The following ZNF628 variants were observed in gnomAD, a reference collection of about 807,000 sequenced individuals.
ZNF628 encodes zinc finger protein Zec.
In ZNF628, 3 loss-of-function variants were observed where a neutral mutation model predicts 2.5. The ratio of observed to expected loss-of-function variants is 1.19; its 90% CI spans 0.54 to 3.07. ZNF628 has a LOEUF of 3.07. ZNF628 is among the 30% of genes most tolerant of loss of function. The pLI is 0.03. For missense variants in ZNF628, 1,610 were observed against 1,517.1 expected (o/e 1.06, Z -1.02); for synonymous variants, 861 against 717.1 (o/e 1.20, Z -3.21).
rs758434074 is a variant in ZNF628, at chr19:55,483,074, C to T, written c.1881C>T (p.Cys627=). The change falls in exon 3 of 3, where the codon TGC becomes TGT. Residue 627 remains cysteine, a synonymous_variant. Transcript: ENST00000598519. ...SAERPFTCPI[C]GRGFVMAAYL... is the part of the protein sequence containing the mutation. ...AGCGCCCCTTCACCTGCCCCATCTG[C>T]GGTCGCGGCTTCGTTATGGCCGCCT... is the stretch of plus-strand genomic sequence containing the variant. 3.4e-5 allele frequency: 54 copies of T among 1,609,676 alleles called. No individual in the cohort carries two copies. In the South Asian group the frequency reaches 4.4e-4, roughly 13 times the overall value.
Position 55,484,420 on chromosome 19 carries a change from A to C in ZNF628, c.*47A>C, listed in dbSNP as rs554922809. The C allele has an allele frequency of 7.1e-7, 1 of 1,400,522 alleles. No homozygotes were observed. Among genetic ancestry groups the C allele is most frequent in the African/African-American group, 1.5e-5 (1 of 68,566 alleles). The allele number at this position is 1,400,522 out of a possible 1,614,324, so 86.8% of individuals were successfully genotyped here. A position where few individuals can be genotyped will look rare whatever the true frequency, so the allele number is the denominator to read the frequency against. On this transcript the variant is annotated 3_prime_UTR_variant, in exon 3 of 3. Coordinates refer to ENST00000598519, the MANE Select transcript of ZNF628 (RefSeq NM_033113.3). The stretch of plus-strand genomic sequence containing the variant: ...CCGCCCCGCACAGAGACCCCGACTC[A>C]CTGCCAGCCGGGGCGGGGCAGGGTG...
Position 55,483,387 on chromosome 19 carries a change from A to C in ZNF628, c.2194A>C (p.Thr732Pro), listed in dbSNP as rs375185481. The C allele has an allele frequency of 1.3e-4, 197 of 1,539,950 alleles. No homozygotes were observed. Among genetic ancestry groups the C allele is most frequent in the Non-Finnish European group, 1.6e-4 (187 of 1,144,946 alleles). ...GATCCCCAGCAGCGTGCAGCCCCCT[A>C]CACCTCCGCCCCCTCCCGCACCTCC... ...QLIPSSVQPP[T>P]PPPPPAPPKL... is the part of the protein sequence containing the mutation. Residue 732 changes from threonine (T) to proline (P), a missense_variant, in exon 3 of 3, where the codon ACA (threonine) becomes CCA (proline). By Grantham distance (38) the Thr-to-Pro change is conservative (BLOSUM62 -1). This residue lies in a region of ZNF628 where 712 missense variants were observed against 603.6 expected (regional missense o/e 1.18). Transcript: ENST00000598519.
Position 55,482,603 on chromosome 19 carries a change from C to G in ZNF628, c.1410C>G (p.Arg470=). Residue 470 remains arginine (R), a synonymous_variant, in exon 3 of 3, where the codon CGC becomes CGG. Coordinates refer to ENST00000598519, the MANE Select transcript of ZNF628 (RefSeq NM_033113.3). The part of the protein sequence containing the change: ...GKSFKGSSGL[R]YHLRDHTGER... ...CCTTCAAGGGCTCCTCCGGGCTGCGCTACCACCTGCGGGACCACACGGGCG... is the reference window on the plus strand; with the variant it reads ...CCTTCAAGGGCTCCTCCGGGCTGCGGTACCACCTGCGGGACCACACGGGCG... 1 of 1,605,700 alleles carries G rather than the reference C, an allele frequency of 6.2e-7. No homozygotes were observed. The highest frequency in any genetic ancestry group is 8.5e-7 in the Non-Finnish European group (1 of 1,177,506).
chr19:55,478,719 T>G (rs1986623851), intron 1 of ZNF628, among the ~76,000 whole-genome samples: 1 of 152,116 alleles, frequency 6.6e-6, no homozygotes, highest in South Asian at 2.1e-4. Context: ...CAGTGGTGCC[T>G]CAGATCAAGG....
rs1458560651 is a variant in ZNF628, at chr19:55,482,127, G to C, written c.934G>C (p.Glu312Gln). ...ATTCAGCAGCGAGGAGCTGCTCCTG[G>C]AGCACCAGCCGTGCCCCGGGCCCGA... The part of the protein sequence containing the change: ...QGFSSEELLL[E>Q]HQPCPGPDAA... The change falls in exon 3 of 3, where the codon GAG becomes CAG. Residue 312 changes from glutamate to glutamine, a missense_variant. Physicochemically the swap from Glu to Gln is conservative, Grantham distance 29 (BLOSUM62 2). This residue lies in a region of ZNF628 where 651 missense variants were observed against 575.6 expected (regional missense o/e 1.13). Coordinates refer to ENST00000598519, the MANE Select transcript of ZNF628 (RefSeq NM_033113.3). The C allele has an allele frequency of 2.0e-6, 3 of 1,507,086 alleles. No homozygotes were observed. Among genetic ancestry groups the C allele is most frequent in the African/African-American group, 1.4e-5 (1 of 69,206 alleles). 93.4% of individuals were successfully genotyped at this position (1,507,086 alleles called of 1,614,324 possible).
chr19:55,477,043 T>C (rs1339118295), intron 1 of ZNF628, among the ~76,000 whole-genome samples: 1 of 152,198 alleles, frequency 6.6e-6, no homozygotes, highest in African/African-American at 2.4e-5. Context: ...TAAAACAATG[T>C]TTTTCCCCTA....
At chr19:55,480,709 C>T (rs1198115977) in intron 2 of ZNF628, among the ~76,000 whole-genome samples, 4 of 152,258 alleles carry the variant, frequency 2.6e-5, no homozygotes, top group Admixed American at 1.3e-4. Context: ...GCGTGAGCCA[C>T]AGTGCCTGGC....
In ZNF628 at chr19:55,479,962, C is replaced by T; in HGVS notation, c.7+45C>T. 1 of 398,992 alleles carries T rather than the reference C, an allele frequency of 2.5e-6. No homozygotes were observed. The highest frequency in any genetic ancestry group is 2.1e-5 in the African/African-American group (1 of 48,656). 24.7% of individuals were successfully genotyped at this position (398,992 alleles called of 1,614,324 possible). A position where few individuals can be genotyped will look rare whatever the true frequency, so the allele number is the denominator to read the frequency against. On this transcript the variant is annotated intron_variant, in intron 2 of 2. Coordinates refer to ENST00000598519, the MANE Select transcript of ZNF628 (RefSeq NM_033113.3). This position sits in a 1 kb window ranked among gnomAD's most constrained non-coding sequence, Gnocchi z 5.1. ...ATGGGCCAGAGACATGTAGTGTGAG[C>T]CAGGGAGGGTGATGGTGAGGGGGCC...
intron 1 of ZNF628, among the ~76,000 whole-genome samples, chr19:55,478,213 G>A (rs73057168): frequency 0.034 from 5,138 of 152,330 alleles, 141 homozygotes; most frequent in Non-Finnish European, 0.05. Context: ...GCACTGCTGA[G>A]GCTGAGAATC....
Position 55,482,004 on chromosome 19 carries a change from C to T in ZNF628, c.811C>T (p.Pro271Ser), listed in dbSNP as rs1341334821. The T allele has an allele frequency of 6.1e-6, 9 of 1,469,170 alleles. No individual in the cohort carries two copies. The highest frequency in any genetic ancestry group is 2.3e-5 in the Admixed American group (1 of 43,600). The allele number at this position is 1,469,170 out of a possible 1,614,324, so 91.0% of individuals were successfully genotyped here. A position where few individuals can be genotyped will look rare whatever the true frequency, so the allele number is the denominator to read the frequency against. Residue 271 changes from proline to serine, a missense_variant, in exon 3 of 3, where the codon CCG (proline) becomes TCG (serine). Around this residue, in one of 5 missense-constraint regions of ZNF628, gnomAD observed 651 missense variants for 575.6 expected, o/e 1.13. Transcript: ENST00000598519. ...CCACAGCCCGCCCGCGCCTCCCGCC[C>T]CGCCGCCCCCGCCCCCGCCCGTGGT... ...QPHSPPAPPA[P>S]PPPPPPVVPE... is the part of the protein sequence containing the mutation.
Position 55,481,217 on chromosome 19 carries a change from C to A in ZNF628, c.24C>A (p.Ser8=). The A allele has an allele frequency of 6.4e-7, 1 of 1,556,234 alleles. No individual in the cohort carries two copies. Among genetic ancestry groups the A allele is most frequent in the Non-Finnish European group, 8.7e-7 (1 of 1,153,964 alleles). ...CTCCCCCAGGTGTGATGGTCGGCTC[C>A]CACGCGGACATGGCGCCGGCCTCTA... MSGVMVG[S]HADMAPASTA... Residue 8 remains serine (S), a synonymous_variant, in exon 3 of 3, where the codon TCC becomes TCA. Coordinates refer to ENST00000598519, the MANE Select transcript of ZNF628 (RefSeq NM_033113.3).
intron 1 of ZNF628, 78 bp downstream of exon 1, chr19:55,476,885 G>T (rs926604872): frequency 6.9e-6 from 1 of 145,614 alleles, no homozygotes; most frequent in African/African-American, 2.5e-5. Flanking sequence ...CGGGGGGGGG[G>T]GCGTGAAACC....
chr19:55,483,127 C>T lies in ZNF628; in HGVS notation c.1934C>T (p.Ala645Val), dbSNP rs759417772. The change falls in exon 3 of 3, where the codon GCC (alanine) becomes GTC (valine). Residue 645 changes from alanine (A) to valine (V), a missense_variant. Around this residue, in one of 5 missense-constraint regions of ZNF628, gnomAD observed 712 missense variants for 603.6 expected, o/e 1.18. Coordinates refer to ENST00000598519, the MANE Select transcript of ZNF628 (RefSeq NM_033113.3). ...AYLQRHLRTH[A>V]PANTPPSTTA... Reference sequence around the variant, plus strand: ...CTGCAGCGGCACCTGAGGACGCACGCCCCGGCCAACACGCCTCCCAGCACC... The same window carrying T: ...CTGCAGCGGCACCTGAGGACGCACGTCCCGGCCAACACGCCTCCCAGCACC... 6.3e-7 allele frequency: 1 copy of T among 1,591,426 alleles called. No individual in the cohort carries two copies. The highest frequency in any genetic ancestry group is 8.5e-7 in the Non-Finnish European group (1 of 1,174,404).
chr19:55,481,415 AG>A lies in ZNF628; in HGVS notation c.224del (p.Gly75AlafsTer65). 6.3e-7 allele frequency: 1 copy of A among 1,597,034 alleles called. No homozygotes were observed. Among genetic ancestry groups the A allele is most frequent in the Non-Finnish European group, 8.5e-7 (1 of 1,174,180 alleles). On this transcript the variant is annotated frameshift_variant, in exon 3 of 3. Transcript: ENST00000598519. LOFTEE classifies it low-confidence loss of function (END_TRUNC). ...KCPDCPKAFK[G>X]SSALLYHQRG... ...GCCCAGACTGCCCCAAGGCTTTCAA[AG>A]GCTCCTCGGCCCTGCTCTACCACCA...
rs1329349097 is a variant in ZNF628 at position 55,481,576 on chromosome 19, C to T, written c.383C>T (p.Ala128Val). 1.2e-6 allele frequency: 2 copies of T among 1,613,156 alleles called. No individual in the cohort carries two copies. Among genetic ancestry groups the T allele is most frequent in the African/African-American group, 1.3e-5 (1 of 74,806 alleles). The change falls in exon 3 of 3, where the codon GCC becomes GTC. Residue 128 changes from alanine (A) to valine (V), a missense_variant. Physicochemically the swap from Ala to Val is moderately conservative, Grantham distance 64 (BLOSUM62 0). This residue lies in a region of ZNF628 where 166 missense variants were observed against 241.3 expected (regional missense o/e 0.69). Transcript: ENST00000598519. ...TTCATCTGCGGCCAGTGCGGCCTGGCCTTCAAGTGGTCGTCCCACTACCAG... is the reference window on the plus strand; with the variant it reads ...TTCATCTGCGGCCAGTGCGGCCTGGTCTTCAAGTGGTCGTCCCACTACCAG... ...RAFICGQCGL[A>V]FKWSSHYQYH...
At chr19:55,477,809 G>A (rs548729007) in intron 1 of ZNF628, among the ~76,000 whole-genome samples, 5 of 152,228 alleles carry the variant, frequency 3.3e-5, no homozygotes, top group Admixed American at 1.3e-4. Context: ...TTGTCCGACG[G>A]GGATGCCTAG....
Position 55,481,268 on chromosome 19 carries a change from A to C in ZNF628, c.75A>C (p.Pro25=). The C allele has an allele frequency of 6.3e-7, 1 of 1,592,940 alleles. No individual in the cohort carries two copies. The highest frequency in any genetic ancestry group is 8.5e-7 in the Non-Finnish European group (1 of 1,171,682). ...CTGCGGAGGGGGCCGGGGAGAAGCC[A>C]GGCCCTGCGGCCCCTGCCCCGGCGG... The part of the protein sequence containing the change: ...ASTAEGAGEK[P]GPAAPAPAAQ... The change falls in exon 3 of 3, where the codon CCA becomes CCC. Residue 25 remains proline (P), a synonymous_variant. Transcript: ENST00000598519.
rs373952025 is a variant in ZNF628 at position 55,479,351 on chromosome 19, C to A, written c.-77-483C>A. 2.4e-4 allele frequency among the ~76,000 whole-genome samples: 36 copies of A among 152,300 alleles called. No homozygotes were observed. The South Asian group carries it at 3.7e-3, about 16-fold the overall frequency. On this transcript the variant is annotated intron_variant, in intron 1 of 2. Transcript: ENST00000598519. This position sits in a 1 kb window ranked among gnomAD's most constrained non-coding sequence, Gnocchi z 5.1. ...TGCGCTGGGAAAGAGCGGGCTGACA[C>A]TTGAGCTGCTCTGCTGTGAAGGAAT...
Position 55,483,398 on chromosome 19 carries a change from C to T in ZNF628, c.2205C>T (p.Pro735=). 6.5e-7 allele frequency: 1 copy of T among 1,531,104 alleles called. No individual in the cohort carries two copies. Among genetic ancestry groups the T allele is most frequent in the Non-Finnish European group, 8.8e-7 (1 of 1,140,584 alleles). The allele number at this position is 1,531,104 out of a possible 1,614,324, so 94.8% of individuals were successfully genotyped here. Residue 735 remains proline, a synonymous_variant, in exon 3 of 3, where the codon CCC becomes CCT. Transcript: ENST00000598519. The part of the protein sequence containing the change: ...PSSVQPPTPP[P]PPAPPKLILL... Reference sequence around the variant, plus strand: ...GCGTGCAGCCCCCTACACCTCCGCCCCCTCCCGCACCTCCCAAGCTCATCC... The same window carrying T: ...GCGTGCAGCCCCCTACACCTCCGCCTCCTCCCGCACCTCCCAAGCTCATCC...
Sources: allele counts gnomAD v4.1 joint callset (sites outside exome capture counted in the v4.1 genomes callset), GRCh38; gene constraint gnomAD v4.1.1; regional missense constraint gnomAD v4.1.1; non-coding constraint Gnocchi (gnomAD v3.1); transcripts MANE v1.5; gene names NCBI Gene and HGNC (gene_info 2026-07-23, HGNC 2026-07-21).